L3MBTL4: variants seen among roughly 807,000 people sequenced by gnomAD.
L3MBTL4 encodes the protein lethal(3)malignant brain tumor-like protein 4.
In L3MBTL4, 70 loss-of-function variants were observed where a neutral mutation model predicts 84.5. The observed-to-expected ratio is 0.83, with a 90% CI of 0.68 to 1.01. L3MBTL4 has a LOEUF of 1.01. L3MBTL4 is among the 50% of genes least tolerant of loss of function. L3MBTL4 has a pLI of 0.00. For synonymous variants in L3MBTL4, 274 were observed against 259.8 expected (o/e 1.05, Z -0.52); for missense variants, 715 against 754.8 (o/e 0.95, Z 0.62).
At chr18:6,009,056 C>T (rs1213455963) in intron 16 of L3MBTL4, among the ~76,000 whole-genome samples, 3 of 152,090 alleles carry the variant, frequency 2.0e-5, no homozygotes, top group Admixed American at 6.5e-5. Flanking sequence ...ACACAGACCT[C>T]GGGAGGGGTG....
chr18:5,976,938 G>A (rs531718183), intron 16 of L3MBTL4, among the ~76,000 whole-genome samples: 7 of 152,284 alleles, frequency 4.6e-5, no homozygotes, highest in Non-Finnish European at 1.0e-4. Context: ...ACCAGGTCTT[G>A]TGTCCTGGCA....
At chr18:6,029,416 A>T (rs2055667836) in intron 16 of L3MBTL4, 1 of 936,674 alleles carries the variant, frequency 1.1e-6, no homozygotes, top group South Asian at 4.9e-5. Context: ...TTTACCTAGA[A>T]ACCCAAAATA....
chr18:6,260,534 C>G (rs950035864), intron 5 of L3MBTL4: 1 of 152,046 alleles, frequency 6.6e-6, no homozygotes, highest in African/African-American at 2.4e-5. Context: ...ATATTTTTCT[C>G]TGTGTGTGCC....
chr18:6,030,248 G>A (rs1185755437), intron 16 of L3MBTL4: 2 of 961,326 alleles, frequency 2.1e-6, no homozygotes, highest in Admixed American at 6.2e-5. Flanking sequence ...TCAGGTTCAG[G>A]GAGAGATACC....
intron 4 of L3MBTL4, among the ~76,000 whole-genome samples, chr18:6,280,355 C>G (rs1012553314): frequency 2.0e-5 from 3 of 152,174 alleles, no homozygotes; most frequent in Admixed American, 6.5e-5. Context: ...CTTTTTATGA[C>G]TCTTTTGGAA....
At chr18:6,048,390 A>G (rs2056713272) in intron 16 of L3MBTL4, among the ~76,000 whole-genome samples, 1 of 152,252 alleles carries the variant, frequency 6.6e-6, no homozygotes, top group South Asian at 2.1e-4. Flanking sequence ...TAATTCTGAA[A>G]TGTATTTGGA....
At chr18:6,061,938 T>C (rs1416622464) in intron 16 of L3MBTL4, among the ~76,000 whole-genome samples, 1 of 151,948 alleles carries the variant, frequency 6.6e-6, no homozygotes, top group African/African-American at 2.4e-5. Flanking sequence ...TTGCCGGCAT[T>C]CATTTCACCT....
intron 12 of L3MBTL4, among the ~76,000 whole-genome samples, chr18:6,191,098 C>T (rs1329504272): frequency 6.6e-6 from 1 of 152,094 alleles, no homozygotes; most frequent in Non-Finnish European, 1.5e-5. Context: ...TGCGTAAAGG[C>T]ACAAAGATGA....
At chr18:6,238,816 AG>A (rs2047328021) in intron 9 of L3MBTL4, among the ~76,000 whole-genome samples, 2 of 152,180 alleles carry the variant, frequency 1.3e-5, no homozygotes. Context: ...AGGCACATAA[AG>A]AACCACTGCC....
At chr18:6,167,049 C>T (rs919115910) in intron 13 of L3MBTL4, among the ~76,000 whole-genome samples, 1 of 152,146 alleles carries the variant, frequency 6.6e-6, no homozygotes, top group African/African-American at 2.4e-5. Flanking sequence ...CTATAAATAC[C>T]TCTACACAAA....
intron 5 of L3MBTL4, among the ~76,000 whole-genome samples, chr18:6,248,730 T>C (rs1456027740): frequency 1.3e-5 from 2 of 152,192 alleles, no homozygotes; most frequent in African/African-American, 4.8e-5. Flanking sequence ...GCATTACTAA[T>C]GTCTCTTGGA....
chr18:6,307,012 G>T (rs1287830545), intron 3 of L3MBTL4, among the ~76,000 whole-genome samples: 1 of 152,024 alleles, frequency 6.6e-6, no homozygotes, highest in African/African-American at 2.4e-5. Flanking sequence ...TATCACACAC[G>T]TCACCTTCTC....
intron 1 of L3MBTL4, among the ~76,000 whole-genome samples, chr18:6,321,084 G>C (rs928971785): frequency 1.3e-5 from 2 of 152,066 alleles, no homozygotes; most frequent in Non-Finnish European, 2.9e-5. Context: ...ATCAACTCAA[G>C]ATAATCAAAG....
At chr18:6,390,934 C>T (rs1316901958) in intron 1 of L3MBTL4, among the ~76,000 whole-genome samples, 1 of 152,126 alleles carries the variant, frequency 6.6e-6, no homozygotes, top group Non-Finnish European at 1.5e-5. Context: ...CCTACTGAAA[C>T]TATTCCAAAA....
intron 1 of L3MBTL4, among the ~76,000 whole-genome samples, chr18:6,357,358 T>C (rs2053493204): frequency 2.6e-5 from 4 of 152,312 alleles, no homozygotes; most frequent in Middle Eastern, 3.4e-3. Flanking sequence ...AATTTAGTAA[T>C]ATGTAAAAGC....
At chr18:6,025,899 G>GT (rs1360722073) in intron 16 of L3MBTL4, among the ~76,000 whole-genome samples, 1 of 152,222 alleles carries the variant, frequency 6.6e-6, no homozygotes, top group Admixed American at 6.5e-5. Context: ...GTTCCTAAAA[G>GT]GCCTTGGGCC....
Position 6,170,860 on chromosome 18 carries a change from G to A in L3MBTL4, c.1096+968C>T, listed in dbSNP as rs983768123. On this transcript the variant is annotated intron_variant, in intron 13 of 18. Coordinates refer to ENST00000317931, the MANE Select transcript of L3MBTL4 (RefSeq NM_001330559.2). ...CAAATGCTGGCGCCCTTCCCTACTT[G>A]GAGTCCCCCATATGGTGCTGACCAT... Among the ~76,000 whole-genome samples the A allele has an allele frequency of 2.0e-5, 3 of 152,042 alleles. No homozygotes were observed. The South Asian group carries it at 6.2e-4, about 32-fold the overall frequency.
At chr18:6,130,336 T>C (rs2059835189) in intron 14 of L3MBTL4, among the ~76,000 whole-genome samples, 1 of 151,462 alleles carries the variant, frequency 6.6e-6, no homozygotes, top group Non-Finnish European at 1.5e-5. Flanking sequence ...CCATCATTAT[T>C]TTTGGGCTGA....
intron 13 of L3MBTL4, among the ~76,000 whole-genome samples, chr18:6,150,104 T>C (rs1343166211): frequency 6.6e-6 from 1 of 152,198 alleles, no homozygotes; most frequent in African/African-American, 2.4e-5. Flanking sequence ...AGAAATTTAG[T>C]ACATCTAGTT....
Sources: gnomAD v4.1 joint callset for allele counts (sites outside exome capture counted in the v4.1 genomes callset) on GRCh38, gnomAD v4.1.1 for gene constraint, MANE v1.5 for transcripts, NCBI Gene and HGNC (gene_info 2026-07-23, HGNC 2026-07-21) for gene names.